Variants in MACROD2 observed in about 807,000 individuals in gnomAD.
MACROD2 encodes the protein mono-ADP ribosylhydrolase 2, also known as ADP-ribose glycohydrolase MACROD2.
Under a neutral mutation model 70.4 loss-of-function variants are expected in MACROD2, and 36 were observed. That is an observed-to-expected ratio of 0.51 (90% confidence interval 0.39 to 0.68). The LOEUF (loss-of-function observed/expected upper bound fraction) is 0.68. Ranked by LOEUF, MACROD2 falls within the 30% of genes least tolerant of loss-of-function variation. The pLI is 0.00. For missense variants in MACROD2, 496 were observed against 538.4 expected, an observed-to-expected ratio of 0.92 and a Z score of 0.78; for synonymous variants, 172 against 178.8, an observed-to-expected ratio of 0.96 and a Z score of 0.30.
At chr20:15,762,048 A>C (rs1384699540) in intron 8 of MACROD2, among the ~76,000 whole-genome samples, 1 of 152,162 alleles carries the variant, frequency 6.6e-6, no homozygotes, top group Non-Finnish European at 1.5e-5. Context: ...TTTCTATCTG[A>C]AGCATTTAAG....
chr20:14,349,724 C>T (rs978983236), intron 3 of MACROD2, among the ~76,000 whole-genome samples: 4 of 148,754 alleles, frequency 2.7e-5, no homozygotes, highest in African/African-American at 4.9e-5. Flanking sequence ...ATGTGATGTT[C>T]GTCTTTCTGT....
At chr20:14,462,329 C>G (rs1018675385) in intron 3 of MACROD2, among the ~76,000 whole-genome samples, 1 of 152,024 alleles carries the variant, frequency 6.6e-6, no homozygotes, top group Non-Finnish European at 1.5e-5. Context: ...GCATAAATGT[C>G]TTCTTTTGAG....
At chr20:14,116,383 T>C (rs1021495254) in intron 3 of MACROD2, among the ~76,000 whole-genome samples, 1 of 152,206 alleles carries the variant, frequency 6.6e-6, no homozygotes, top group African/African-American at 2.4e-5. Context: ...GGCCCATTGT[T>C]AGTACTCAAA....
At chr20:14,931,691 G>A (rs377632835) in intron 5 of MACROD2, among the ~76,000 whole-genome samples, 3 of 151,768 alleles carry the variant, frequency 2.0e-5, no homozygotes, top group Non-Finnish European at 2.9e-5. Context: ...ATATGTCCCC[G>A]ATTTAAAAAA....
rs189538005 is a variant in MACROD2, at chr20:14,896,607, A to G, written c.418+211648A>G. On this transcript the variant is annotated intron_variant, in intron 5 of 17. Coordinates refer to ENST00000684519, the MANE Select transcript of MACROD2 (RefSeq NM_001351661.2). The stretch of plus-strand genomic sequence containing the variant: ...CTCCTCACCTGAGGAAACAGAGCCT[A>G]AGAAGGTTCTCCTTATATGGATTCA... Among the ~76,000 whole-genome samples the G allele has an allele frequency of 3.9e-5, 6 of 152,166 alleles. No homozygotes were observed. In the East Asian group the frequency reaches 9.7e-4, roughly 24 times the overall value.
At chr20:14,145,977 T>G (rs2054937392) in intron 3 of MACROD2, among the ~76,000 whole-genome samples, 1 of 152,230 alleles carries the variant, frequency 6.6e-6, no homozygotes, top group Non-Finnish European at 1.5e-5. Flanking sequence ...CAGTATTCTA[T>G]TGAACGGTTC....
At chr20:14,266,276 G>C (rs1033637667) in intron 3 of MACROD2, among the ~76,000 whole-genome samples, 1 of 152,106 alleles carries the variant, frequency 6.6e-6, no homozygotes, top group African/African-American at 2.4e-5. Flanking sequence ...TATAAAATGA[G>C]GGGTTAAGTC....
In MACROD2 at chr20:14,197,912, G is replaced by A. The variant is rs1337661255; in HGVS notation, c.271+112184G>A. ...GTATAGCTTATGTACGCTAAAGGCC[G>A]ATCTTAGATGTAAATCAAATGGGTA... On this transcript the variant is annotated intron_variant, in intron 3 of 17. Coordinates refer to ENST00000684519, the MANE Select transcript of MACROD2 (RefSeq NM_001351661.2). Among the ~76,000 whole-genome samples the A allele has an allele frequency of 3.9e-5, 6 of 152,130 alleles. No individual in the cohort carries two copies. In the East Asian group the frequency reaches 9.6e-4, roughly 24 times the overall value.
chr20:14,688,495 T>G (rs1374967494), intron 5 of MACROD2, among the ~76,000 whole-genome samples: 3 of 152,148 alleles, frequency 2.0e-5, no homozygotes, highest in African/African-American at 7.2e-5. Context: ...TTTTTGACAT[T>G]AAGAATATCC....
intron 6 of MACROD2, among the ~76,000 whole-genome samples, chr20:15,240,704 A>G (rs1174774086): frequency 6.6e-6 from 1 of 152,168 alleles, no homozygotes; most frequent in African/African-American, 2.4e-5. Context: ...CTAACCCCCA[A>G]TGTGATGGTA....
intron 3 of MACROD2, among the ~76,000 whole-genome samples, chr20:14,116,850 C>T (rs1018813414): frequency 3.9e-5 from 6 of 151,996 alleles, no homozygotes; most frequent in Admixed American, 3.3e-4. Flanking sequence ...AGTTGGATCA[C>T]GAGGTCAAGA....
intron 3 of MACROD2, among the ~76,000 whole-genome samples, chr20:14,480,262 A>C (rs559618354): frequency 6.6e-6 from 1 of 152,340 alleles, no homozygotes; most frequent in African/African-American, 2.4e-5. Context: ...CTACCTGAAA[A>C]ATGGTTGTTA....
intron 3 of MACROD2, among the ~76,000 whole-genome samples, chr20:14,124,117 A>G (rs1040847288): frequency 2.0e-5 from 3 of 152,194 alleles, no homozygotes; most frequent in African/African-American, 7.2e-5. Context: ...TTCTATTTGT[A>G]TAAATTGAGT....
At chr20:14,369,294 G>GT (rs5840612) in intron 3 of MACROD2, among the ~76,000 whole-genome samples, 98,469 of 151,858 alleles carry the variant, frequency 0.65, 32,727 homozygotes, top group Non-Finnish European at 0.72. Flanking sequence ...AGCAAATGTA[G>GT]TTTTTTGCGA....
rs1277553778 is a variant in MACROD2 at position 15,933,303 on chromosome 20, G to A, written c.803G>A (p.Ser268Asn). 5 of 1,613,340 alleles carry A rather than the reference G, an allele frequency of 3.1e-6. No individual in the cohort carries two copies. The highest frequency in any genetic ancestry group is 4.2e-6 in the Non-Finnish European group (5 of 1,179,602). Residue 268 changes from serine to asparagine, a missense_variant, in exon 11 of 18, where the codon AGT (serine) becomes AAT (asparagine). Transcript: ENST00000684519. ...GAGAACGGTCCAGAGGAGAAGCAAA[G>A]TGTGGAAGAAATGGAAGAGCAGAGC... ...SDENGPEEKQSVEEMEEQSQD... is the reference protein window; with the variant it reads ...SDENGPEEKQNVEEMEEQSQD...
intron 2 of MACROD2, among the ~76,000 whole-genome samples, chr20:14,034,971 T>C (rs2053290254): frequency 6.6e-6 from 1 of 152,188 alleles, no homozygotes; most frequent in Non-Finnish European, 1.5e-5. Flanking sequence ...ATTTTTTTCT[T>C]CTTGGTCTTA....
chr20:14,515,989 T>A (rs1323429222), intron 4 of MACROD2, among the ~76,000 whole-genome samples: 5 of 147,572 alleles, frequency 3.4e-5, no homozygotes, highest in East Asian at 3.9e-4. Context: ...AAAATATAAT[T>A]TATTTTATAT....
intron 5 of MACROD2, among the ~76,000 whole-genome samples, chr20:15,152,158 C>T (rs1043097949): frequency 7.9e-5 from 12 of 151,906 alleles, no homozygotes; most frequent in African/African-American, 2.7e-4. Context: ...GTGCCGTTTT[C>T]CGGCTATTTG....
intron 8 of MACROD2, among the ~76,000 whole-genome samples, chr20:15,504,304 GCA>G (rs1036031108): frequency 9.9e-5 from 15 of 152,084 alleles, no homozygotes; most frequent in African/African-American, 3.4e-4. Context: ...GAACGCTGCT[GCA>G]CACACAGCAC....
Sources: gnomAD v4.1 joint callset for allele counts (sites outside exome capture counted in the v4.1 genomes callset) on GRCh38, gnomAD v4.1.1 for gene constraint, MANE v1.5 for transcripts, NCBI Gene and HGNC (gene_info 2026-07-23, HGNC 2026-07-21) for gene names.